KDM4A: variants seen among roughly 807,000 people sequenced by gnomAD.
The protein encoded by KDM4A is lysine demethylase 4A, also known as lysine-specific demethylase 4A.
Under a neutral mutation model 127.1 loss-of-function variants are expected in KDM4A, and 23 were observed. The ratio of observed to expected loss-of-function variants is 0.18; its 90% confidence interval spans 0.13 to 0.26. The LOEUF (loss-of-function observed/expected upper bound fraction) is 0.26, where lower values mean the gene tolerates loss of function less well. Ranked by LOEUF, KDM4A falls within the 10% of genes least tolerant of loss-of-function variation. The pLI is 1.00. For synonymous variants in KDM4A, 443 were observed against 466.5 expected (o/e 0.95, Z 0.65); for missense variants, 890 against 1,329.1 (o/e 0.67, Z 5.14).
intron 19 of KDM4A, among the ~76,000 whole-genome samples, chr1:43,703,171 T>C (rs561420380): frequency 2.4e-4 from 36 of 151,904 alleles, no homozygotes; most frequent in Non-Finnish European, 4.0e-4. Flanking sequence ...CTTGATCTCC[T>C]GACCTGGTGA....
chr1:43,690,776 T>TA, intron 13 of KDM4A, 69 bp from the exon 14 acceptor site: 6 of 1,398,714 alleles, frequency 4.3e-6, no homozygotes, highest in Non-Finnish European at 6.1e-6. Flanking sequence ...TTTCTGCTGA[T>TA]AGAGCAGGTG....
intron 18 of KDM4A, among the ~76,000 whole-genome samples, chr1:43,696,859 T>A (rs1354901508): frequency 1.3e-5 from 2 of 152,208 alleles, no homozygotes; most frequent in Non-Finnish European, 2.9e-5. Context: ...TTATTGAGCA[T>A]TTACTATATG....
chr1:43,683,617 G>GT (rs1660906417), intron 11 of KDM4A, 67 bp from the exon 12 acceptor site: 8 of 1,545,594 alleles, frequency 5.2e-6, no homozygotes, highest in Middle Eastern at 1.7e-4. Flanking sequence ...GGTTTTCATT[G>GT]TAAGGGTGAC....
At chr1:43,664,415 A>C (rs1660455160) in intron 5 of KDM4A, among the ~76,000 whole-genome samples, 1 of 151,928 alleles carries the variant, frequency 6.6e-6, no homozygotes, top group Admixed American at 6.6e-5. Flanking sequence ...AAAACACAAA[A>C]TTAGCCAGGC....
intron 3 of KDM4A, among the ~76,000 whole-genome samples, chr1:43,656,228 G>C (rs1044694934): frequency 6.6e-6 from 1 of 151,506 alleles, no homozygotes; most frequent in South Asian, 2.1e-4. Flanking sequence ...CCACCAAGCT[G>C]GTTGCTATTT....
Position 43,704,043 on chromosome 1 carries a change from A to G in KDM4A, c.2985A>G (p.Gln995=), listed in dbSNP as rs924042654. The G allele has an allele frequency of 2.5e-6, 4 of 1,614,068 alleles. No individual in the cohort carries two copies. The African/African-American group carries it at 5.3e-5, about 22-fold the overall frequency. ...AGGTGGAGTTTGAGGATGGCTCACA[A>G]CTTGTGGTTAAGAGAGATGATGTAT... ...MYQVEFEDGS[Q]LVVKRDDVYT... Residue 995 remains glutamine, a synonymous_variant, in exon 21 of 22, where the codon CAA becomes CAG. Coordinates refer to ENST00000372396, the MANE Select transcript of KDM4A (RefSeq NM_014663.3).
At chr1:43,671,129 A>G (rs1428291645) in intron 10 of KDM4A, among the ~76,000 whole-genome samples, 1 of 152,218 alleles carries the variant, frequency 6.6e-6, no homozygotes, top group East Asian at 1.9e-4. Context: ...AATATTTTTC[A>G]AGATCTTTAG....
In KDM4A at chr1:43,689,049, A is replaced by G. The variant is rs780153157; in HGVS notation, c.1991A>G (p.Gln664Arg). 6.2e-7 allele frequency: 1 copy of G among 1,614,256 alleles called. No homozygotes were observed. The highest frequency in any genetic ancestry group is 8.5e-7 in the Non-Finnish European group (1 of 1,180,038). ...GAATTCAATGAGACCATGGCCCAAC[A>G]GGCCCCTCACTGCGCTGTCTGTATG... ...EKEFNETMAQ[Q>R]APHCAVCMIF... The change falls in exon 13 of 22, where the codon CAG (glutamine) becomes CGG (arginine). Residue 664 changes from glutamine (Q) to arginine (R), a missense_variant. Coordinates refer to ENST00000372396, the MANE Select transcript of KDM4A (RefSeq NM_014663.3).
intron 11 of KDM4A, among the ~76,000 whole-genome samples, chr1:43,675,174 C>G (rs1001517157): frequency 6.6e-6 from 1 of 152,242 alleles, no homozygotes; most frequent in African/African-American, 2.4e-5. Flanking sequence ...ATCCCTCCAC[C>G]TCCAACATGT....
chr1:43,656,931 T>A (rs1570811687), intron 3 of KDM4A, among the ~76,000 whole-genome samples: 1 of 151,772 alleles, frequency 6.6e-6, no homozygotes, highest in East Asian at 2.0e-4. Flanking sequence ...GGTTTCACCG[T>A]CTCTACTGTC....
At chr1:43,681,441 A>AC (rs1660854526) in intron 11 of KDM4A, among the ~76,000 whole-genome samples, 1 of 151,714 alleles carries the variant, frequency 6.6e-6, no homozygotes, top group Admixed American at 6.6e-5. Context: ...TCTTTTCTGA[A>AC]CCCCCAGTCT....
rs369418479 is a variant in KDM4A, at chr1:43,691,586, C to T, written c.2319+14C>T. 64 of 1,607,408 alleles carry T rather than the reference C, an allele frequency of 4.0e-5. No individual in the cohort carries two copies. Among genetic ancestry groups the T allele is most frequent in the Non-Finnish European group, 5.3e-5 (62 of 1,174,090 alleles). On this transcript the variant is annotated intron_variant, in intron 15 of 21. Transcript: ENST00000372396. Reference sequence around the variant, plus strand: ...GCCCTAGAGGAGGTGAGTGATCCCACACTGTTACTGTCTTCACCATGAGTC... The same window carrying T: ...GCCCTAGAGGAGGTGAGTGATCCCATACTGTTACTGTCTTCACCATGAGTC...
At chr1:43,662,418 G>A (rs1381395835) in intron 4 of KDM4A, among the ~76,000 whole-genome samples, 4 of 152,092 alleles carry the variant, frequency 2.6e-5, no homozygotes, top group Admixed American at 6.5e-5. Flanking sequence ...GACCAGCCTG[G>A]CCAAGATGGT....
rs201837467 is a variant in KDM4A, at chr1:43,690,982, T to C, written c.2175T>C (p.Pro725=). ...GCSTDINLST[P]YLEEDGTSIL... is the part of the protein sequence containing the mutation. ...GCACGGACATCAACCTTTCTACTCC[T>C]TATCTTGAGGAGGATGGCACCAGCA... The change falls in exon 14 of 22, where the codon CCT becomes CCC. Residue 725 remains proline, a synonymous_variant. Coordinates refer to ENST00000372396, the MANE Select transcript of KDM4A (RefSeq NM_014663.3). 8.1e-6 allele frequency: 13 copies of C among 1,614,222 alleles called. No individual in the cohort carries two copies. Among genetic ancestry groups the C allele is most frequent in the Non-Finnish European group, 1.1e-5 (13 of 1,180,040 alleles).
chr1:43,672,021 C>G (rs1031181212), intron 11 of KDM4A, 146 bp downstream of exon 11: 6 of 878,520 alleles, frequency 6.8e-6, no homozygotes, highest in Non-Finnish European at 7.8e-6. Context: ...GTGCCTCTAG[C>G]CAGCAGTGGT....
At chr1:43,671,451 G>C in intron 10 of KDM4A, 54 bp from the exon 11 acceptor site, 3 of 1,489,326 alleles carry the variant, frequency 2.0e-6, no homozygotes, top group Non-Finnish European at 2.7e-6. Context: ...CCTTTCATCA[G>C]GTTCACATGT....
chr1:43,685,764 T>TCAA (rs150623615), intron 12 of KDM4A, among the ~76,000 whole-genome samples: 21 of 151,116 alleles, frequency 1.4e-4, no homozygotes, highest in African/African-American at 3.9e-4. Context: ...AGTCTCTGTC[T>TCAA]CAACAACAAC....
chr1:43,653,579 C>T (rs907677993), intron 2 of KDM4A: 22 of 270,308 alleles, frequency 8.1e-5, no homozygotes, highest in Admixed American at 3.7e-4. Flanking sequence ...GTGCCTCAGC[C>T]CTCTTGGTGG....
At chr1:43,673,661 C>T (rs1044540773) in intron 11 of KDM4A, among the ~76,000 whole-genome samples, 1 of 152,170 alleles carries the variant, frequency 6.6e-6, no homozygotes, top group Non-Finnish European at 1.5e-5. Context: ...GTGTTTCCTT[C>T]TCATTGCCTC....
Sources: allele counts gnomAD v4.1 joint callset (sites outside exome capture counted in the v4.1 genomes callset), GRCh38; gene constraint gnomAD v4.1.1; transcripts MANE v1.5; gene names NCBI Gene and HGNC (gene_info 2026-07-23, HGNC 2026-07-21).